The following CHSY1 variants were observed in gnomAD, a reference collection of about 807,000 sequenced individuals.
CHSY1 encodes the protein N-acetylgalactosaminyl-proteoglycan 3-beta-glucuronosyltransferase 1.
Under a neutral mutation model 59.8 loss-of-function variants are expected in CHSY1, and 13 were observed. The observed-to-expected ratio is 0.22, with a 90% CI of 0.14 to 0.35. The LOEUF is 0.35. CHSY1 is among the 10% of genes least tolerant of loss of function. CHSY1 has a pLI of 1.00. For synonymous variants in CHSY1, 459 were observed against 401.2 expected (o/e 1.14, Z -1.72); for missense variants, 947 against 1,030.6 (o/e 0.92, Z 1.11).
chr15:101,233,924 T>G (rs2038915171), intron 2 of CHSY1, among the ~76,000 whole-genome samples: 3 of 152,222 alleles, frequency 2.0e-5, no homozygotes, highest in Admixed American at 6.5e-5. Flanking sequence ...ACAGTTCATA[T>G]TAGAAAGTGT....
intron 2 of CHSY1, among the ~76,000 whole-genome samples, chr15:101,184,945 G>A (rs1471344850): frequency 2.0e-5 from 3 of 152,164 alleles, no homozygotes; most frequent in Admixed American, 6.5e-5. Context: ...CTAAACTCAC[G>A]TCAAGGAAAT....
intron 2 of CHSY1, among the ~76,000 whole-genome samples, chr15:101,206,122 T>C (rs890801106): frequency 6.6e-5 from 10 of 152,158 alleles, no homozygotes; most frequent in African/African-American, 2.4e-4. Flanking sequence ...CAATACTAAA[T>C]GAGAAGTTTA....
At chr15:101,218,115 T>C (rs184348954) in intron 2 of CHSY1, among the ~76,000 whole-genome samples, 476 of 152,308 alleles carry the variant, frequency 3.1e-3, no homozygotes, top group Non-Finnish European at 5.2e-3. Flanking sequence ...AGGAAAATTT[T>C]ACAAAATACC....
At chr15:101,180,083 G>A (rs1439898539) in intron 2 of CHSY1, among the ~76,000 whole-genome samples, 1 of 152,204 alleles carries the variant, frequency 6.6e-6, no homozygotes, top group Non-Finnish European at 1.5e-5. Flanking sequence ...TGGCTGACTG[G>A]TTTATTTGCC....
In CHSY1 at chr15:101,235,222, T is replaced by C. The variant is rs779593100; in HGVS notation, c.676A>G (p.Ile226Val). 5.0e-6 allele frequency: 8 copies of C among 1,613,788 alleles called. No homozygotes were observed. In the South Asian group the frequency reaches 7.7e-5, roughly 16 times the overall value. Reference protein sequence around the residue: ...ENFCMGGPGVIMSREVLRRMV... With the variant: ...ENFCMGGPGVVMSREVLRRMV... ...CTCCGAAGCACCTCCCGGCTCATGA[T>C]CACGCCAGGCCCCCCCATGCAGAAG... The change falls in exon 2 of 3, where the codon ATC (isoleucine) becomes GTC (valine). Residue 226 changes from isoleucine (I) to valine (V), a missense_variant. This residue lies in a region of CHSY1 where 108 missense variants were observed against 144.4 expected (regional missense o/e 0.75). Transcript: ENST00000254190.
chr15:101,190,749 A>T (rs2038432043), intron 2 of CHSY1, among the ~76,000 whole-genome samples: 1 of 152,280 alleles, frequency 6.6e-6, no homozygotes, highest in South Asian at 2.1e-4. Context: ...ACTCAAAAAT[A>T]GGAAAACAAC....
chr15:101,241,040 C>T (rs2038995940), intron 1 of CHSY1, among the ~76,000 whole-genome samples: 1 of 152,182 alleles, frequency 6.6e-6, no homozygotes, highest in African/African-American at 2.4e-5. Flanking sequence ...CAACTCCACC[C>T]CCAAAGTATT....
At chr15:101,238,363 C>A (rs1214875081) in intron 1 of CHSY1, among the ~76,000 whole-genome samples, 3 of 152,142 alleles carry the variant, frequency 2.0e-5, no homozygotes, top group Non-Finnish European at 4.4e-5. Context: ...GCTTTTATTT[C>A]TCTTCCAAAC....
At chr15:101,244,264 C>T (rs889071915) in intron 1 of CHSY1, among the ~76,000 whole-genome samples, 6 of 152,118 alleles carry the variant, frequency 3.9e-5, no homozygotes, top group Non-Finnish European at 1.5e-5. Flanking sequence ...AAGCTGAGGC[C>T]CCTGCACTGA....
intron 1 of CHSY1, among the ~76,000 whole-genome samples, chr15:101,249,999 T>G (rs1379278362): frequency 6.6e-6 from 1 of 152,148 alleles, no homozygotes; most frequent in Non-Finnish European, 1.5e-5. Flanking sequence ...TCCTTTACTT[T>G]CTCCCTTAAA....
rs1402903401 is a variant in CHSY1, at chr15:101,249,580, C to T, written c.320+1557G>A. Among the ~76,000 whole-genome samples the T allele has an allele frequency of 3.0e-5, 4 of 133,806 alleles. No homozygotes were observed. In the East Asian group the frequency reaches 8.9e-4, roughly 30 times the overall value. The allele number at this position is 133,806 out of a possible 152,430, so 87.8% of individuals were successfully genotyped here. A position where few individuals can be genotyped will look rare whatever the true frequency, so the allele number is the denominator to read the frequency against. On this transcript the variant is annotated intron_variant, in intron 1 of 2. Transcript: ENST00000254190. ...CCAGGCTGGAGTGCAGTGGCATGAT[C>T]TTGGCTCATTGCAACCTCCGCCTCC...
chr15:101,238,792 C>T (rs1057164813), intron 1 of CHSY1, among the ~76,000 whole-genome samples: 6 of 152,172 alleles, frequency 3.9e-5, no homozygotes, highest in Admixed American at 3.9e-4. Flanking sequence ...CGGTTATTAA[C>T]AGATACTGTT....
chr15:101,196,907 G>A (rs1353697576), intron 2 of CHSY1, among the ~76,000 whole-genome samples: 1 of 152,104 alleles, frequency 6.6e-6, no homozygotes, highest in Non-Finnish European at 1.5e-5. Context: ...ATACCACATT[G>A]GCTGTATGTG....
rs769841816 is a variant in CHSY1 at position 101,178,523 on chromosome 15, C to T, written c.1274G>A (p.Arg425His). The change falls in exon 3 of 3, where the codon CGC becomes CAC. Residue 425 changes from arginine to histidine, a missense_variant. Physicochemically the swap from Arg to His is conservative, Grantham distance 29 (BLOSUM62 0). Around this residue, in one of 4 missense-constraint regions of CHSY1, gnomAD observed 602 missense variants for 676.9 expected, o/e 0.89. Coordinates refer to ENST00000254190, the MANE Select transcript of CHSY1 (RefSeq NM_014918.5). ...MINANAKTRG[R>H]IIDFKEIQYG... Reference sequence around the variant, plus strand: ...CTGGATCTCTTTGAAGTCAATGATGCGCCCTCTGGTCTTGGCGTTGGCATT... The same window carrying T: ...CTGGATCTCTTTGAAGTCAATGATGTGCCCTCTGGTCTTGGCGTTGGCATT... 4.3e-6 allele frequency: 7 copies of T among 1,614,220 alleles called. No homozygotes were observed. Among genetic ancestry groups the T allele is most frequent in the Non-Finnish European group, 5.1e-6 (6 of 1,180,040 alleles).
rs570439970 is a variant in CHSY1, at chr15:101,230,183, C to G, written c.816+4899G>C. Reference sequence around the variant, plus strand: ...TCTTGAACTCCTGACCTCAGGTGATCCACCCACCCTGGCCTCCCAAAGTGC... The same window carrying G: ...TCTTGAACTCCTGACCTCAGGTGATGCACCCACCCTGGCCTCCCAAAGTGC... On this transcript the variant is annotated intron_variant, in intron 2 of 2. Coordinates refer to ENST00000254190, the MANE Select transcript of CHSY1 (RefSeq NM_014918.5). 1.5e-4 allele frequency among the ~76,000 whole-genome samples: 23 copies of G among 152,188 alleles called. No homozygotes were observed. In the East Asian group the frequency reaches 3.1e-3, roughly 21 times the overall value.
At chr15:101,224,801 C>T (rs1416911185) in intron 2 of CHSY1, among the ~76,000 whole-genome samples, 1 of 152,240 alleles carries the variant, frequency 6.6e-6, no homozygotes, top group Non-Finnish European at 1.5e-5. Flanking sequence ...ACACTGCCAC[C>T]ACCAGATGCA....
intron 1 of CHSY1, among the ~76,000 whole-genome samples, chr15:101,241,023 T>C (rs572537462): frequency 1.2e-4 from 18 of 152,278 alleles, no homozygotes; most frequent in African/African-American, 4.3e-4. Flanking sequence ...AAAAATAAAA[T>C]AACGTACAAC....
intron 2 of CHSY1, among the ~76,000 whole-genome samples, chr15:101,190,244 G>C (rs2141246406): frequency 6.7e-6 from 1 of 150,024 alleles, no homozygotes; most frequent in South Asian, 2.1e-4. Context: ...AGAAGAGGGA[G>C]TGGGTTTGTT....
rs530379297 is a variant in CHSY1, at chr15:101,188,590, G to A, written c.817-9610C>T. ...TCATGGAAATTAAGCTGGGACTTTA[G>A]TGGTTAAAAAAAAAAAGAGAATTAT... On this transcript the variant is annotated intron_variant, in intron 2 of 2. Coordinates refer to ENST00000254190, the MANE Select transcript of CHSY1 (RefSeq NM_014918.5). Among the ~76,000 whole-genome samples, 58 of 101,560 alleles carry A rather than the reference G, an allele frequency of 5.7e-4. No homozygotes were observed. The East Asian group carries it at 0.028, about 49-fold the overall frequency. 66.6% of individuals were successfully genotyped at this position (101,560 alleles called of 152,430 possible).
Sources: allele counts gnomAD v4.1 joint callset (sites outside exome capture counted in the v4.1 genomes callset), GRCh38; gene constraint gnomAD v4.1.1; regional missense constraint gnomAD v4.1.1; transcripts MANE v1.5; gene names NCBI Gene and HGNC (gene_info 2026-07-23, HGNC 2026-07-21).